Variants in ZNF365 observed in about 807,000 individuals in gnomAD.
ZNF365 encodes the protein protein ZNF365.
In ZNF365, 22 loss-of-function variants were observed where a neutral mutation model predicts 35.0. The observed-to-expected ratio is 0.63, with a 90% CI of 0.45 to 0.90. The LOEUF is 0.90. ZNF365 is among the 40% of genes least tolerant of loss of function. The pLI is 0.00. For synonymous variants in ZNF365, 188 were observed against 196.2 expected, an observed-to-expected ratio of 0.96 and a Z score of 0.35; for missense variants, 448 against 500.3, an observed-to-expected ratio of 0.90 and a Z score of 1.00.
chr10:62,421,545 G>C (rs4146642), intron 3 of ZNF365, among the ~76,000 whole-genome samples: 93,392 of 151,956 alleles, frequency 0.61, 29,401 homozygotes, highest in East Asian at 0.84. Flanking sequence ...CAAAACCACA[G>C]TGTGCTAATC....
At chr10:62,475,730 C>T (rs914072628) in intron 4 of ZNF365, among the ~76,000 whole-genome samples, 2 of 152,116 alleles carry the variant, frequency 1.3e-5, no homozygotes, top group African/African-American at 4.8e-5. Flanking sequence ...GTTCACTGGC[C>T]CCGAGGGCAC....
chr10:62,410,369 C>T (rs1428251226), intron 3 of ZNF365, among the ~76,000 whole-genome samples: 2 of 152,096 alleles, frequency 1.3e-5, no homozygotes, highest in Non-Finnish European at 2.9e-5. Context: ...CTCTCTCTCT[C>T]TCTTTTTTTG....
intron 3 of ZNF365, among the ~76,000 whole-genome samples, chr10:62,453,153 T>G (rs1457329066): frequency 1.3e-5 from 2 of 152,220 alleles, no homozygotes; most frequent in Admixed American, 6.5e-5. Flanking sequence ...TTAAATAAAT[T>G]GATGAGGTAC....
intron 2 of ZNF365, among the ~76,000 whole-genome samples, chr10:62,379,392 CAA>C (rs987790540): frequency 1.6e-4 from 25 of 151,982 alleles, no homozygotes; most frequent in African/African-American, 5.3e-4. Context: ...AAAAAGAAAA[CAA>C]AGTGTTTTAA....
intron 4 of ZNF365, among the ~76,000 whole-genome samples, chr10:62,473,376 C>A (rs1841075502): frequency 6.6e-6 from 1 of 152,190 alleles, no homozygotes; most frequent in African/African-American, 2.4e-5. Context: ...GTTGATCTGA[C>A]TTCTCCTTTG....
chr10:62,407,354 C>G (rs1839920402), downstream of ZNF365, among the ~76,000 whole-genome samples: 1 of 152,196 alleles, frequency 6.6e-6, no homozygotes, highest in African/African-American at 2.4e-5. Flanking sequence ...CACTACAAAA[C>G]ATTAAGCTTT....
At chr10:62,476,376 T>TA (rs1006492194) in intron 4 of ZNF365, among the ~76,000 whole-genome samples, 3 of 152,130 alleles carry the variant, frequency 2.0e-5, no homozygotes, top group Non-Finnish European at 4.4e-5. Context: ...TCCCAGGTAT[T>TA]AAAAAAAAGT....
intron 3 of ZNF365, among the ~76,000 whole-genome samples, chr10:62,391,710 G>A (rs559875696): frequency 9.2e-5 from 14 of 152,360 alleles, no homozygotes; most frequent in African/African-American, 3.4e-4. Flanking sequence ...TGCTGTAAAT[G>A]TGTATGCAAT....
intron 3 of ZNF365, among the ~76,000 whole-genome samples, chr10:62,393,430 G>A (rs1189590170): frequency 6.6e-6 from 1 of 152,160 alleles, no homozygotes; most frequent in African/African-American, 2.4e-5. Flanking sequence ...ACAATTCATT[G>A]TGCTACAACA....
chr10:62,477,262 A>G (rs1841147597), intron 4 of ZNF365, among the ~76,000 whole-genome samples: 1 of 152,188 alleles, frequency 6.6e-6, no homozygotes, highest in African/African-American at 2.4e-5. Flanking sequence ...AACTTAAATA[A>G]ATGAAAAGAG....
intron 4 of ZNF365, among the ~76,000 whole-genome samples, chr10:62,476,792 C>G (rs763966664): frequency 6.6e-6 from 1 of 152,192 alleles, no homozygotes; most frequent in South Asian, 2.1e-4. Flanking sequence ...AATGCTGTCT[C>G]TCATCACTGT....
intron 3 of ZNF365, among the ~76,000 whole-genome samples, chr10:62,393,971 C>T (rs573671404): frequency 1.2e-4 from 19 of 152,180 alleles, no homozygotes; most frequent in African/African-American, 4.3e-4. Context: ...GTATAGTACT[C>T]GAAATTCTGC....
chr10:62,376,706 T>C lies in ZNF365; in HGVS notation c.513T>C (p.Ala171=). ...VREKFNRMVE[A]VDRTIEKRID... is the part of the protein sequence containing the mutation. ...AAAAATTCAATCGAATGGTTGAGGC[T>C]GTGGATAGGACCATTGAGAAGAGAA... is the stretch of plus-strand genomic sequence containing the variant. The change falls in exon 2 of 5, where the codon GCT becomes GCC. Residue 171 remains alanine (A), a synonymous_variant. Coordinates refer to ENST00000395254, the MANE Select transcript of ZNF365 (RefSeq NM_014951.3). 6.2e-7 allele frequency: 1 copy of C among 1,614,184 alleles called. No individual in the cohort carries two copies. The highest frequency in any genetic ancestry group is 8.5e-7 in the Non-Finnish European group (1 of 1,180,038).
At chr10:62,384,511 G>A (rs1392739015) in intron 2 of ZNF365, among the ~76,000 whole-genome samples, 1 of 152,170 alleles carries the variant, frequency 6.6e-6, no homozygotes, top group Admixed American at 6.5e-5. Context: ...AGTGAAAAGA[G>A]CGGTATTGTT....
chr10:62,462,010 G>T (rs1371291265), intron 4 of ZNF365, among the ~76,000 whole-genome samples: 1 of 151,982 alleles, frequency 6.6e-6, no homozygotes, highest in Non-Finnish European at 1.5e-5. Flanking sequence ...TTAGACATTT[G>T]CAAATAGTCT....
At chr10:62,415,138 G>C (rs1840053472) in intron 3 of ZNF365, among the ~76,000 whole-genome samples, 2 of 151,994 alleles carry the variant, frequency 1.3e-5, no homozygotes, top group Admixed American at 1.3e-4. Context: ...CCAATATCTA[G>C]GTTACCCGTG....
chr10:62,399,557 A>G lies in ZNF365; in HGVS notation c.992A>G (p.Asn331Ser). 6.2e-7 allele frequency: 1 copy of G among 1,613,960 alleles called. No homozygotes were observed. The highest frequency in any genetic ancestry group is 1.3e-5 in the African/African-American group (1 of 74,982). Residue 331 changes from asparagine to serine, a missense_variant, in exon 5 of 5, where the codon AAC becomes AGC. Physicochemically the swap from Asn to Ser is conservative, Grantham distance 46. This residue lies in a region of ZNF365 where 362 missense variants were observed against 375.7 expected (regional missense o/e 0.96). Transcript: ENST00000395254. The part of the protein sequence containing the change: ...LSRGHPHSVC[N>S]HPDLKAHFHP... ...CGAGGGCACCCGCATTCGGTATGTA[A>G]CCACCCTGATCTCAAGGCCCATTTC...
intron 3 of ZNF365, among the ~76,000 whole-genome samples, chr10:62,450,138 G>C (rs1430192046): frequency 6.6e-6 from 1 of 152,184 alleles, no homozygotes; most frequent in South Asian, 2.1e-4. Flanking sequence ...ACTTAGTGGT[G>C]ATTGTCTTGT....
rs1264217634 is a variant in ZNF365, at chr10:62,388,422, T to C, written c.770T>C (p.Leu257Pro). The change falls in exon 3 of 5, where the codon CTG becomes CCG. Residue 257 changes from leucine to proline, a missense_variant. Transcript: ENST00000395254. ...GAAGTTGTCACATTCAACCATTTCC[T>C]GGAAGCGGCAGCTGAGAAGGAGGTT... ...EEEVVTFNHFLEAAAEKEVQG... is the reference protein window; with the variant it reads ...EEEVVTFNHFPEAAAEKEVQG... 6.2e-7 allele frequency: 1 copy of C among 1,614,272 alleles called. No individual in the cohort carries two copies. The highest frequency in any genetic ancestry group is 8.5e-7 in the Non-Finnish European group (1 of 1,180,048).
Sources: gnomAD v4.1 joint callset for allele counts (sites outside exome capture counted in the v4.1 genomes callset) on GRCh38, gnomAD v4.1.1 for gene constraint, gnomAD v4.1.1 regional missense constraint, MANE v1.5 for transcripts, NCBI Gene and HGNC (gene_info 2026-07-23, HGNC 2026-07-21) for gene names.